Variants in FSBP observed in about 807,000 individuals in gnomAD.
FSBP encodes the protein fibrinogen silencer binding protein.
A neutral mutation model predicts 24.6 loss-of-function variants in FSBP; 18 were observed. The ratio of observed to expected loss-of-function variants is 0.73; its 90% CI spans 0.51 to 1.08. The LOEUF (loss-of-function observed/expected upper bound fraction) is 1.08. FSBP is among the 50% of genes least tolerant of loss of function. The probability of loss-of-function intolerance (pLI) is 0.00; values close to 1 mark genes in which losing one functional copy is unlikely to be tolerated. For missense variants in FSBP, 305 were observed against 347.6 expected (o/e 0.88, Z 0.98); for synonymous variants, 110 against 125.8 (o/e 0.87, Z 0.84).
At chr8:94,434,318 T>C (rs1468904568) in intron 1 of FSBP, among the ~76,000 whole-genome samples, 3 of 151,672 alleles carry the variant, frequency 2.0e-5, no homozygotes, top group African/African-American at 7.3e-5. Context: ...GCTAAAACAT[T>C]ACAACTAAGG....
In FSBP at chr8:94,429,117, A is replaced by G; in HGVS notation, c.*3014T>C. On this transcript the variant is annotated 3_prime_UTR_variant, in exon 2 of 2. Coordinates refer to ENST00000481490, the MANE Select transcript of FSBP (RefSeq NM_001256141.2). ...TGACTTGGAAAAGTTGCTGCAGTAA[A>G]CTCAAAGAGTGTGATTCTGGTGTTT... 1.1e-5 allele frequency: 11 copies of G among 985,142 alleles called. No individual in the cohort carries two copies. Among genetic ancestry groups the G allele is most frequent in the Non-Finnish European group, 1.3e-5 (11 of 829,650 alleles). The allele number at this position is 985,142 out of a possible 1,614,324, so 61.0% of individuals were successfully genotyped here. A position where few individuals can be genotyped will look rare whatever the true frequency, so the allele number is the denominator to read the frequency against.
Position 94,436,665 on chromosome 8 carries a change from T to C in FSBP, c.204A>G (p.Leu68=), listed in dbSNP as rs538782409. ...VDRPPRTAQG[L]RTLYKRLKEY... ...CTTTGAGCCTTTTATAAAGGGTGCG[T>C]AGGCCCTGTGCTGTTCGAGGAGGGC... Residue 68 remains leucine, a synonymous_variant, in exon 1 of 2, where the codon CTA becomes CTG. Transcript: ENST00000481490. 1.3e-6 allele frequency: 2 copies of C among 1,550,590 alleles called. No homozygotes were observed. Among genetic ancestry groups the C allele is most frequent in the African/African-American group, 1.4e-5 (1 of 73,170 alleles).
In FSBP at chr8:94,429,640, T is replaced by G; in HGVS notation, c.*2491A>C. ...TAGAATTATACTGGGAAACATTACC[T>G]CAAATTAAGAATTACAAGATTCATT... On this transcript the variant is annotated 3_prime_UTR_variant, in exon 2 of 2. Transcript: ENST00000481490. The G allele has an allele frequency of 1.0e-6, 1 of 983,782 alleles. No individual in the cohort carries two copies. Among genetic ancestry groups the G allele is most frequent in the Non-Finnish European group, 1.2e-6 (1 of 828,550 alleles). The allele number at this position is 983,782 out of a possible 1,614,324, so 60.9% of individuals were successfully genotyped here. A position where few individuals can be genotyped will look rare whatever the true frequency, so the allele number is the denominator to read the frequency against.
At chr8:94,435,062 T>C (rs1335077541) in intron 1 of FSBP, among the ~76,000 whole-genome samples, 2 of 151,982 alleles carry the variant, frequency 1.3e-5, no homozygotes, top group African/African-American at 2.4e-5. Flanking sequence ...CTATACCTAC[T>C]AACCAAAGGG....
intron 1 of FSBP, among the ~76,000 whole-genome samples, chr8:94,433,795 A>C (rs1434898198): frequency 6.6e-6 from 1 of 151,808 alleles, no homozygotes; most frequent in African/African-American, 2.4e-5. Flanking sequence ...TTTATTTAAT[A>C]TTATTTAGAG....
In FSBP at chr8:94,432,176, T is replaced by C. The variant is rs1306142565; in HGVS notation, c.855A>G (p.Lys285=). Reference sequence around the variant, plus strand: ...GTAGATCATGCCGTAAGCGAATTGCTTTCAGCTTCTCCACTTCAATTTTTG... The same window carrying C: ...GTAGATCATGCCGTAAGCGAATTGCCTTCAGCTTCTCCACTTCAATTTTTG... ...LRAKIEVEKL[K]AIRLRHDLPE... The change falls in exon 2 of 2, where the codon AAA becomes AAG. Residue 285 remains lysine, a synonymous_variant. Coordinates refer to ENST00000481490, the MANE Select transcript of FSBP (RefSeq NM_001256141.2). 8 of 1,550,176 alleles carry C rather than the reference T, an allele frequency of 5.2e-6. 1 individual carries two copies. In the South Asian group the frequency reaches 5.9e-5, roughly 12 times the overall value.
At position 94,430,599 on chromosome 8, in the gene FSBP, G is replaced by A. The variant is rs866290475; in HGVS notation, c.*1532C>T. ...TAACAAGTTCTCAAGTGATGCTGAT[G>A]CTGCTGGTCAGGACCCATACTTGGA... On this transcript the variant is annotated 3_prime_UTR_variant, in exon 2 of 2. Coordinates refer to ENST00000481490, the MANE Select transcript of FSBP (RefSeq NM_001256141.2). 10 of 607,994 alleles carry A rather than the reference G, an allele frequency of 1.6e-5. 1 individual carries two copies. Among genetic ancestry groups the A allele is most frequent in the Middle Eastern group, 1.7e-3 (2 of 1,194 alleles). The allele number at this position is 607,994 out of a possible 1,614,324, so 37.7% of individuals were successfully genotyped here.
intron 1 of FSBP, among the ~76,000 whole-genome samples, chr8:94,434,892 T>TTG (rs915269615): frequency 8.6e-5 from 13 of 150,882 alleles, no homozygotes; most frequent in African/African-American, 3.1e-4. Context: ...AAAAGATTTT[T>TTG]TGTGTGTGAA....
intron 1 of FSBP, 28 bp from the exon 2 acceptor site, chr8:94,432,684 A>G (rs1262109856): frequency 2.8e-6 from 4 of 1,432,300 alleles, no homozygotes; most frequent in Middle Eastern, 1.8e-4. Context: ...GCATTATAAT[A>G]TGTAAATCAA....
Position 94,429,401 on chromosome 8 carries a change from A to C in FSBP, c.*2730T>G, listed in dbSNP as rs1812028289. 1 of 860,330 alleles carries C rather than the reference A, an allele frequency of 1.2e-6. No homozygotes were observed. Among genetic ancestry groups the C allele is most frequent in the African/African-American group, 1.8e-5 (1 of 54,528 alleles). The allele number at this position is 860,330 out of a possible 1,614,324, so 53.3% of individuals were successfully genotyped here. ...AAAGATGTATACTGCACTTTTTTTTAACACAGATCTCTTTTCTAGAAACAT... is the reference window on the plus strand; with the variant it reads ...AAAGATGTATACTGCACTTTTTTTTCACACAGATCTCTTTTCTAGAAACAT... On this transcript the variant is annotated 3_prime_UTR_variant, in exon 2 of 2. Transcript: ENST00000481490.
At position 94,428,131 on chromosome 8, in the gene FSBP, T is replaced by C. The variant is rs190433351; in HGVS notation, c.*4000A>G. 35 of 895,150 alleles carry C rather than the reference T, an allele frequency of 3.9e-5. No individual in the cohort carries two copies. The Admixed American group carries it at 8.7e-4, about 22-fold the overall frequency. The allele number at this position is 895,150 out of a possible 1,614,324, so 55.5% of individuals were successfully genotyped here. The stretch of plus-strand genomic sequence containing the variant: ...TACATTCATATGGATAAGAGAAAGA[T>C]AGGAAAGTGGCTATCCACTATCTAA... On this transcript the variant is annotated 3_prime_UTR_variant, in exon 2 of 2. Transcript: ENST00000481490.
Position 94,428,695 on chromosome 8 carries a change from A to C in FSBP, c.*3436T>G. On this transcript the variant is annotated 3_prime_UTR_variant, in exon 2 of 2. Transcript: ENST00000481490. ...AATATTTTCAATCCACAGTAGTTCA[A>C]TCTGCAGATGTGAAACCTGCAGATA... 1 of 906,630 alleles carries C rather than the reference A, an allele frequency of 1.1e-6. No individual in the cohort carries two copies. Among genetic ancestry groups the C allele is most frequent in the Non-Finnish European group, 1.3e-6 (1 of 758,158 alleles). 56.2% of individuals were successfully genotyped at this position (906,630 alleles called of 1,614,324 possible).
Position 94,430,106 on chromosome 8 carries a change from G to A in FSBP, c.*2025C>T. The stretch of plus-strand genomic sequence containing the variant: ...AGGCGGGCAGATCACGAGGTCAGGA[G>A]ATCAAGACCATCCTGGCTAACACAG... On this transcript the variant is annotated 3_prime_UTR_variant, in exon 2 of 2. Coordinates refer to ENST00000481490, the MANE Select transcript of FSBP (RefSeq NM_001256141.2). 10 of 802,146 alleles carry A rather than the reference G, an allele frequency of 1.2e-5. No homozygotes were observed. Among genetic ancestry groups the A allele is most frequent in the Non-Finnish European group, 1.5e-5 (10 of 663,136 alleles). 49.7% of individuals were successfully genotyped at this position (802,146 alleles called of 1,614,324 possible).
In FSBP at chr8:94,428,778, A is replaced by C. The variant is rs1245800743; in HGVS notation, c.*3353T>G. ...AACTTTCCCCTATATATTCCCCTTA[A>C]TGAAACTTGTCCTCAACAAAAACTG... On this transcript the variant is annotated 3_prime_UTR_variant, in exon 2 of 2. Transcript: ENST00000481490. The C allele has an allele frequency of 1.0e-6, 1 of 985,166 alleles. No homozygotes were observed. Among genetic ancestry groups the C allele is most frequent in the Non-Finnish European group, 1.2e-6 (1 of 829,850 alleles). The allele number at this position is 985,166 out of a possible 1,614,324, so 61.0% of individuals were successfully genotyped here.
Position 94,429,123 on chromosome 8 carries a change from A to G in FSBP, c.*3008T>C, listed in dbSNP as rs560856540. 7.4e-5 allele frequency: 73 copies of G among 984,940 alleles called. No individual in the cohort carries two copies. In the African/African-American group the frequency reaches 1.2e-3, roughly 16 times the overall value. The allele number at this position is 984,940 out of a possible 1,614,324, so 61.0% of individuals were successfully genotyped here. ...GGAAAAGTTGCTGCAGTAAACTCAA[A>G]GAGTGTGATTCTGGTGTTTAAAAAT... On this transcript the variant is annotated 3_prime_UTR_variant, in exon 2 of 2. Coordinates refer to ENST00000481490, the MANE Select transcript of FSBP (RefSeq NM_001256141.2).
At chr8:94,433,405 T>G (rs907784470) in intron 1 of FSBP, among the ~76,000 whole-genome samples, 1 of 151,998 alleles carries the variant, frequency 6.6e-6, no homozygotes, top group Admixed American at 6.6e-5. Context: ...GTACTGTACT[T>G]AGAACCTAGT....
Position 94,431,568 on chromosome 8 carries a change from A to G in FSBP, c.*563T>C. The G allele has an allele frequency of 1.1e-6, 1 of 943,066 alleles. No homozygotes were observed. Among genetic ancestry groups the G allele is most frequent in the Non-Finnish European group, 1.3e-6 (1 of 791,414 alleles). The allele number at this position is 943,066 out of a possible 1,614,324, so 58.4% of individuals were successfully genotyped here. On this transcript the variant is annotated 3_prime_UTR_variant, in exon 2 of 2. Coordinates refer to ENST00000481490, the MANE Select transcript of FSBP (RefSeq NM_001256141.2). Reference sequence around the variant, plus strand: ...CTGCCATAAATAGCTTTGTTACCCTAAGTAAGTCATTGAGTTCTCCCTGGA... The same window carrying G: ...CTGCCATAAATAGCTTTGTTACCCTGAGTAAGTCATTGAGTTCTCCCTGGA...
rs575942876 is a variant in FSBP, at chr8:94,431,569, A to G, written c.*562T>C. 14 of 943,308 alleles carry G rather than the reference A, an allele frequency of 1.5e-5. No individual in the cohort carries two copies. The African/African-American group carries it at 1.8e-4, about 12-fold the overall frequency. 58.4% of individuals were successfully genotyped at this position (943,308 alleles called of 1,614,324 possible). On this transcript the variant is annotated 3_prime_UTR_variant, in exon 2 of 2. Transcript: ENST00000481490. The stretch of plus-strand genomic sequence containing the variant: ...TGCCATAAATAGCTTTGTTACCCTA[A>G]GTAAGTCATTGAGTTCTCCCTGGAC...
intron 1 of FSBP, among the ~76,000 whole-genome samples, chr8:94,433,624 C>A (rs1277633485): frequency 6.6e-6 from 1 of 151,700 alleles, no homozygotes; most frequent in African/African-American, 2.4e-5. Flanking sequence ...ATGCAATAAA[C>A]CTTAAAATTC....
Sources: gnomAD v4.1 joint callset for allele counts (sites outside exome capture counted in the v4.1 genomes callset) on GRCh38, gnomAD v4.1.1 for gene constraint, MANE v1.5 for transcripts, NCBI Gene and HGNC (gene_info 2026-07-23, HGNC 2026-07-21) for gene names.